Variants in ANGPT1 observed in about 807,000 individuals in gnomAD.
ANGPT1 encodes angiopoietin 1.
In ANGPT1, 17 loss-of-function variants were observed where a neutral mutation model predicts 62.2. The observed-to-expected ratio is 0.27, with a 90% CI of 0.19 to 0.41. The LOEUF (loss-of-function observed/expected upper bound fraction) is 0.41, where lower values mean the gene tolerates loss of function less well. ANGPT1 is among the 10% of genes least tolerant of loss of function. The probability of loss-of-function intolerance (pLI) is 1.00; values close to 1 mark genes in which losing one functional copy is unlikely to be tolerated. For synonymous variants in ANGPT1, 199 were observed against 198.9 expected (o/e 1.00, Z 0.00); for missense variants, 478 against 594.9 (o/e 0.80, Z 2.04).
At chr8:107,454,776 C>T (rs868303954) in intron 1 of ANGPT1, among the ~76,000 whole-genome samples, 1 of 151,990 alleles carries the variant, frequency 6.6e-6, no homozygotes, top group African/African-American at 2.4e-5. Flanking sequence ...TATTTATTTC[C>T]CTGTCCTTTA....
chr8:107,357,834 A>G (rs1816079381), intron 1 of ANGPT1, among the ~76,000 whole-genome samples: 1 of 152,124 alleles, frequency 6.6e-6, no homozygotes, highest in Non-Finnish European at 1.5e-5. Context: ...TCATCATTTT[A>G]CTCTGGTATT....
chr8:107,322,714 AT>A (rs1815183883), intron 3 of ANGPT1: 4 of 328,064 alleles, frequency 1.2e-5, no homozygotes, highest in South Asian at 2.6e-5. Context: ...AAAGAAAAAA[AT>A]CTCTTATTTT....
At chr8:107,416,638 G>T (rs1273325211) in intron 1 of ANGPT1, among the ~76,000 whole-genome samples, 3 of 152,066 alleles carry the variant, frequency 2.0e-5, no homozygotes, top group African/African-American at 7.2e-5. Flanking sequence ...GACAAAAAGG[G>T]TATAATCTAA....
intron 1 of ANGPT1, among the ~76,000 whole-genome samples, chr8:107,439,094 A>G (rs1321369303): frequency 6.6e-6 from 1 of 152,204 alleles, no homozygotes; most frequent in East Asian, 1.9e-4. Context: ...CTTATGAGAA[A>G]AAAAGAAAGT....
At chr8:107,298,690 G>C (rs1448445511) in intron 5 of ANGPT1, among the ~76,000 whole-genome samples, 2 of 151,566 alleles carry the variant, frequency 1.3e-5, no homozygotes, top group Non-Finnish European at 2.9e-5. Context: ...CTACAATCCT[G>C]TTATACTTGC....
intron 7 of ANGPT1, 24 bp from the exon 8 acceptor site, chr8:107,264,375 A>G: frequency 1.2e-6 from 2 of 1,608,982 alleles, no homozygotes; most frequent in East Asian, 4.5e-5. Context: ...GAAAAAAAAG[A>G]AAGATAAGCC....
At chr8:107,282,156 A>C (rs1185365029) in intron 7 of ANGPT1, among the ~76,000 whole-genome samples, 3 of 151,950 alleles carry the variant, frequency 2.0e-5, no homozygotes, top group African/African-American at 7.3e-5. Context: ...TACTTTAATG[A>C]ATCTTTCACC....
chr8:107,458,833 TC>T (rs1811990256), intron 1 of ANGPT1, among the ~76,000 whole-genome samples: 1 of 152,170 alleles, frequency 6.6e-6, no homozygotes, highest in African/African-American at 2.4e-5. Context: ...TTTAATCATT[TC>T]AATAACCCTA....
intron 6 of ANGPT1, among the ~76,000 whole-genome samples, chr8:107,287,717 A>G (rs2130150972): frequency 6.6e-6 from 1 of 152,292 alleles, no homozygotes; most frequent in South Asian, 2.1e-4. Context: ...CTTGGATGAA[A>G]TAACCTCTAC....
intron 1 of ANGPT1, among the ~76,000 whole-genome samples, chr8:107,383,205 T>C (rs1399051113): frequency 6.6e-6 from 1 of 152,190 alleles, no homozygotes; most frequent in East Asian, 1.9e-4. Context: ...CTTGTATTTT[T>C]AGTGACCACA....
chr8:107,432,488 C>A lies in ANGPT1; in HGVS notation c.297+64774G>T, dbSNP rs1376710724. Among the ~76,000 whole-genome samples the A allele has an allele frequency of 3.3e-5, 5 of 152,070 alleles. No individual in the cohort carries two copies. In the South Asian group the frequency reaches 8.3e-4, roughly 25 times the overall value. On this transcript the variant is annotated intron_variant, in intron 1 of 8. Transcript: ENST00000517746. ...GACCATCCTGGCTAACGTAGTGAAACCCTGTCTCTGCTAAAAATACAAAAA... is the reference window on the plus strand; with the variant it reads ...GACCATCCTGGCTAACGTAGTGAAAACCTGTCTCTGCTAAAAATACAAAAA...
chr8:107,461,626 G>T (rs1467277169), intron 1 of ANGPT1, among the ~76,000 whole-genome samples: 1 of 152,102 alleles, frequency 6.6e-6, no homozygotes, highest in South Asian at 2.1e-4. Context: ...CTGTATTATG[G>T]ATTTAATATT....
At chr8:107,487,525 G>A (rs757013741) in intron 1 of ANGPT1, among the ~76,000 whole-genome samples, 1 of 150,926 alleles carries the variant, frequency 6.6e-6, no homozygotes, top group Non-Finnish European at 1.5e-5. Context: ...AGTATATTAA[G>A]CGGCCGTGCG....
intron 2 of ANGPT1, among the ~76,000 whole-genome samples, chr8:107,342,108 G>A (rs1815708526): frequency 6.6e-6 from 1 of 152,172 alleles, no homozygotes; most frequent in Non-Finnish European, 1.5e-5. Flanking sequence ...TTCACTCAGT[G>A]TTCTTAGTTG....
intron 5 of ANGPT1, among the ~76,000 whole-genome samples, chr8:107,296,242 T>G (rs1333444690): frequency 6.6e-6 from 1 of 152,086 alleles, no homozygotes; most frequent in Non-Finnish European, 1.5e-5. Context: ...AAGGACAGAA[T>G]ACATCAGGAA....
intron 6 of ANGPT1, among the ~76,000 whole-genome samples, chr8:107,293,197 GTGATGA>G (rs5893837): frequency 0.023 from 3,437 of 148,688 alleles, 67 homozygotes; most frequent in African/African-American, 0.043. Context: ...GAGAAGAACT[GTGATGA>G]TGATGATGAT....
chr8:107,299,420 T>C (rs79336540), intron 5 of ANGPT1, among the ~76,000 whole-genome samples: 16 of 120,410 alleles, frequency 1.3e-4, no homozygotes, highest in South Asian at 5.3e-4. Context: ...TATATATATA[T>C]AAACATACAT....
chr8:107,452,163 C>T (rs1401051060), intron 1 of ANGPT1, among the ~76,000 whole-genome samples: 2 of 151,194 alleles, frequency 1.3e-5, no homozygotes, highest in Non-Finnish European at 3.0e-5. Context: ...ACAATATATA[C>T]TATTTTATTA....
intron 1 of ANGPT1, among the ~76,000 whole-genome samples, chr8:107,371,372 T>C (rs1441887091): frequency 2.0e-5 from 3 of 152,162 alleles, no homozygotes; most frequent in African/African-American, 7.2e-5. Context: ...TTTTCACTCT[T>C]GTTCTCCCCA....
Sources: gnomAD v4.1 joint callset for allele counts (sites outside exome capture counted in the v4.1 genomes callset) on GRCh38, gnomAD v4.1.1 for gene constraint, MANE v1.5 for transcripts, NCBI Gene and HGNC (gene_info 2026-07-23, HGNC 2026-07-21) for gene names.